The following PHF20 variants were observed in gnomAD, a reference collection of about 807,000 sequenced individuals.
The protein encoded by PHF20 is PHD finger protein 20.
Under a neutral mutation model 113.5 loss-of-function variants are expected in PHF20, and 23 were observed. The observed-to-expected ratio is 0.20, with a 90% CI of 0.15 to 0.29. The LOEUF is 0.29. PHF20 is among the 10% of genes least tolerant of loss of function. The pLI is 1.00. For missense variants in PHF20, 943 were observed against 1,219.6 expected, an observed-to-expected ratio of 0.77 and a Z score of 3.38; for synonymous variants, 434 against 457.3, an observed-to-expected ratio of 0.95 and a Z score of 0.65.
chr20:35,811,281 A>G (rs2041972791), intron 2 of PHF20, among the ~76,000 whole-genome samples: 1 of 152,052 alleles, frequency 6.6e-6, no homozygotes, highest in South Asian at 2.1e-4. Flanking sequence ...TCTTGACCTC[A>G]TGATCTGTCC....
At chr20:35,842,839 G>A (rs1449482494) in intron 3 of PHF20, 95 bp downstream of exon 3, 13 of 1,058,920 alleles carry the variant, frequency 1.2e-5, no homozygotes, top group Non-Finnish European at 1.7e-5. Context: ...CTGGAGACCA[G>A]TTCTTATTTA....
At chr20:35,844,417 G>GTTT (rs1491291994) in intron 3 of PHF20, among the ~76,000 whole-genome samples, 41 of 127,704 alleles carry the variant, frequency 3.2e-4, no homozygotes, top group African/African-American at 5.5e-4. Flanking sequence ...TTTTTTTTTG[G>GTTT]TTTTTTTTTT....
intron 4 of PHF20, among the ~76,000 whole-genome samples, chr20:35,848,313 G>C (rs2042658802): frequency 6.6e-6 from 1 of 151,958 alleles, no homozygotes; most frequent in Non-Finnish European, 1.5e-5. Context: ...TGTTGCCCAG[G>C]CTGGAGTGCA....
At chr20:35,873,509 C>T (rs2054464210) in intron 9 of PHF20, among the ~76,000 whole-genome samples, 1 of 147,328 alleles carries the variant, frequency 6.8e-6, no homozygotes, top group African/African-American at 2.5e-5. Context: ...TGCTCTATCG[C>T]CCAGGCTGGA....
chr20:35,909,075 T>C (rs1453133709), intron 10 of PHF20, among the ~76,000 whole-genome samples: 3 of 152,030 alleles, frequency 2.0e-5, no homozygotes, highest in Non-Finnish European at 2.9e-5. Context: ...TGAATAGGAG[T>C]AGAGAGAGAG....
intron 3 of PHF20, among the ~76,000 whole-genome samples, chr20:35,844,090 A>G (rs527798912): frequency 6.6e-6 from 1 of 151,992 alleles, no homozygotes; most frequent in African/African-American, 2.4e-5. Context: ...TCAAGCAAGT[A>G]GCTCAAGAGC....
At chr20:35,934,692 G>A (rs2055830609) in intron 15 of PHF20, among the ~76,000 whole-genome samples, 1 of 151,698 alleles carries the variant, frequency 6.6e-6, no homozygotes, top group African/African-American at 2.4e-5. Flanking sequence ...AGGGCAGGCT[G>A]GGCAGGTGGC....
At chr20:35,917,770 G>A in intron 13 of PHF20, 108 bp downstream of exon 13, 1 of 894,780 alleles carries the variant, frequency 1.1e-6, no homozygotes. Flanking sequence ...CAGAAACACA[G>A]CACGAACGGC....
chr20:35,871,627 C>A, intron 8 of PHF20, 23 bp from the exon 9 acceptor site: 2 of 1,568,738 alleles, frequency 1.3e-6, no homozygotes, highest in South Asian at 2.4e-5. Context: ...ATATTTCCCC[C>A]AAACTTTCTT....
chr20:35,775,993 AGAGAT>A (rs1351917743), intron 1 of PHF20, among the ~76,000 whole-genome samples: 2 of 151,970 alleles, frequency 1.3e-5, no homozygotes, highest in East Asian at 1.9e-4. Context: ...AATTTTTTGT[AGAGAT>A]GAGATCTTGC....
intron 9 of PHF20, among the ~76,000 whole-genome samples, chr20:35,874,863 G>T (rs1188204783): frequency 6.6e-6 from 1 of 151,802 alleles, no homozygotes; most frequent in African/African-American, 2.4e-5. Flanking sequence ...AGACTGGAGG[G>T]TCACTTGAGG....
chr20:35,883,073 G>A (rs913142188), intron 9 of PHF20, among the ~76,000 whole-genome samples: 5 of 151,590 alleles, frequency 3.3e-5, no homozygotes, highest in Non-Finnish European at 7.4e-5. Context: ...AATTAGCTAG[G>A]CATTGTGGCA....
At chr20:35,787,236 A>G (rs1040241799) in intron 1 of PHF20, among the ~76,000 whole-genome samples, 1 of 151,834 alleles carries the variant, frequency 6.6e-6, no homozygotes, top group South Asian at 2.1e-4. Context: ...CTGCAGTGCA[A>G]TGATGTGATC....
chr20:35,789,862 C>T (rs1164702861), intron 1 of PHF20, among the ~76,000 whole-genome samples: 1 of 72,450 alleles, frequency 1.4e-5, no homozygotes, highest in East Asian at 4.9e-4. Context: ...CCCCCCCCCC[C>T]CTTTTTTTTT....
chr20:35,868,872 C>T (rs1484347827), intron 6 of PHF20, among the ~76,000 whole-genome samples: 1 of 152,116 alleles, frequency 6.6e-6, no homozygotes, highest in East Asian at 1.9e-4. Context: ...AGCTGGATCA[C>T]TTGAGGTCAG....
chr20:35,844,211 C>T (rs1216011287), intron 3 of PHF20, among the ~76,000 whole-genome samples: 5 of 151,550 alleles, frequency 3.3e-5, no homozygotes, highest in African/African-American at 4.8e-5. Context: ...CAAGCGATTC[C>T]CCTGCCTTAT....
At chr20:35,818,144 G>T (rs1002996348) in intron 2 of PHF20, among the ~76,000 whole-genome samples, 4 of 151,854 alleles carry the variant, frequency 2.6e-5, no homozygotes, top group East Asian at 1.9e-4. Context: ...AAAATTAGGC[G>T]CATGCCTGTA....
intron 10 of PHF20, among the ~76,000 whole-genome samples, chr20:35,909,835 G>A (rs773055493): frequency 2.6e-5 from 4 of 152,172 alleles, no homozygotes; most frequent in Non-Finnish European, 4.4e-5. Context: ...TGGGAGAGGG[G>A]CCTGGGTTGC....
intron 15 of PHF20, among the ~76,000 whole-genome samples, chr20:35,935,021 TA>T (rs1191530333): frequency 1.3e-5 from 2 of 151,764 alleles, no homozygotes; most frequent in Non-Finnish European, 2.9e-5. Flanking sequence ...TATATTTCTT[TA>T]AAAAAAAATT....
Sources: gnomAD v4.1 joint callset for allele counts (sites outside exome capture counted in the v4.1 genomes callset) on GRCh38, gnomAD v4.1.1 for gene constraint, MANE v1.5 for transcripts, NCBI Gene and HGNC (gene_info 2026-07-23, HGNC 2026-07-21) for gene names.